C12orf57: variants seen among roughly 807,000 people sequenced by gnomAD.
C12orf57 encodes protein C10.
Under a neutral mutation model 11.3 loss-of-function variants are expected in C12orf57, and 14 were observed. The ratio of observed to expected loss-of-function variants is 1.24; its 90% confidence interval spans 0.82 to 1.94. The LOEUF (loss-of-function observed/expected upper bound fraction) is 1.94. Among genes scored for constraint, C12orf57 ranks in the 30% most tolerant of loss-of-function variants. C12orf57 has a pLI of 0.00. For missense variants in C12orf57, 229 were observed against 172.4 expected, an observed-to-expected ratio of 1.33 and a Z score of -1.84; for synonymous variants, 100 against 74.6, an observed-to-expected ratio of 1.34 and a Z score of -1.76.
chr12:6,944,901 T>G (rs1591675697), intron 2 of C12orf57: 1 of 1,381,474 alleles, frequency 7.2e-7, no homozygotes, highest in Non-Finnish European at 9.4e-7. Flanking sequence ...GTGTTTCGGG[T>G]TTTTTCAGAT....
upstream of C12orf57, chr12:6,943,853 T>TG (rs1298070350): frequency 4.4e-6 from 4 of 909,290 alleles, no homozygotes; most frequent in Admixed American, 6.3e-5. Flanking sequence ...CTAGTAGGCT[T>TG]TCTGGCTTTT....
chr12:6,943,837 A>C (rs965213031), upstream of C12orf57: 1 of 872,950 alleles, frequency 1.1e-6, no homozygotes, highest in Non-Finnish European at 1.6e-6. Flanking sequence ...CTCTTTTAGA[A>C]TTTGTCTAGT....
chr12:6,945,581 C>T (rs1945781797), intron 2 of C12orf57, among the ~76,000 whole-genome samples, 190 bp from the exon 3 acceptor site: 1 of 152,170 alleles, frequency 6.6e-6, no homozygotes, highest in Non-Finnish European at 1.5e-5. Context: ...TGCATCCCAT[C>T]TAGTTGTGCC....
At position 6,944,112 on chromosome 12, in the gene C12orf57, C is replaced by A. The variant is rs781787729; in HGVS notation, c.-10C>A. The A allele has an allele frequency of 1.9e-6, 3 of 1,614,124 alleles. No homozygotes were observed. The highest frequency in any genetic ancestry group is 1.1e-5 in the South Asian group (1 of 91,086). On this transcript the variant is annotated 5_prime_UTR_variant, in exon 1 of 3. Transcript: ENST00000229281. ...TTTACCTCCGCTGAACCTAGAGCTT[C>A]AGACGCCCTATGGCGTCCGCCTCGA...
At chr12:6,945,639 G>A (rs1329423282) in intron 2 of C12orf57, 132 bp from the exon 3 acceptor site, 18 of 894,164 alleles carry the variant, frequency 2.0e-5, no homozygotes, top group Non-Finnish European at 2.9e-5. Flanking sequence ...ACAGAGGCCT[G>A]CATGCGTCCT....
At chr12:6,944,900 G>GT (rs1945761699) in intron 2 of C12orf57, 4 of 1,385,730 alleles carry the variant, frequency 2.9e-6, no homozygotes, top group Admixed American at 3.3e-5. Flanking sequence ...AGTGTTTCGG[G>GT]TTTTTTCAGA....
chr12:6,944,091 C>A lies in C12orf57; in HGVS notation c.-31C>A, dbSNP rs374102557. The A allele has an allele frequency of 1.9e-6, 3 of 1,613,138 alleles. No individual in the cohort carries two copies. In the African/African-American group the frequency reaches 4.0e-5, roughly 22 times the overall value. The stretch of plus-strand genomic sequence containing the variant: ...TCTTTATTCGTGAGTTTTCCATTTA[C>A]CTCCGCTGAACCTAGAGCTTCAGAC... On this transcript the variant is annotated 5_prime_UTR_variant, in exon 1 of 3. Coordinates refer to ENST00000229281, the MANE Select transcript of C12orf57 (RefSeq NM_138425.4).
chr12:6,943,451 C>T (rs1945678639), upstream of C12orf57: 2 of 1,178,368 alleles, frequency 1.7e-6, no homozygotes, highest in East Asian at 5.8e-5. Flanking sequence ...GAAATCGGGC[C>T]GGGCATTAGG....
At chr12:6,943,911 T>A, upstream of C12orf57, 1 of 1,216,870 alleles carries the variant, frequency 8.2e-7, no homozygotes, top group Non-Finnish European at 1.1e-6. Context: ...ATAGATTGTT[T>A]TCACTGTGCA....
chr12:6,943,891 G>GT (rs782060575), upstream of C12orf57: 45 of 1,066,870 alleles, frequency 4.2e-5, 1 homozygote, highest in South Asian at 1.5e-4. Context: ...TATGATGTTT[G>GT]TTGCCAATGA....
At chr12:6,943,806 A>G (rs141154581), upstream of C12orf57, 414 of 884,186 alleles carry the variant, frequency 4.7e-4, no homozygotes, top group African/African-American at 6.3e-3. Context: ...CTCTCCAAAC[A>G]CATACGCAGC....
rs782065914 is a variant in C12orf57 at position 6,944,084 on chromosome 12, C to A, written c.-38C>A. 4.3e-6 allele frequency: 7 copies of A among 1,613,578 alleles called. No individual in the cohort carries two copies. Among genetic ancestry groups the A allele is most frequent in the Middle Eastern group, 1.6e-4 (1 of 6,062 alleles). ...ACGTGGCTCTTTATTCGTGAGTTTT[C>A]CATTTACCTCCGCTGAACCTAGAGC... On this transcript the variant is annotated 5_prime_UTR_variant, in exon 1 of 3. Coordinates refer to ENST00000229281, the MANE Select transcript of C12orf57 (RefSeq NM_138425.4).
rs781787729 is a variant in C12orf57, at chr12:6,944,112, C to T, written c.-10C>T. 1.3e-5 allele frequency: 21 copies of T among 1,614,124 alleles called. No homozygotes were observed. The highest frequency in any genetic ancestry group is 1.6e-5 in the Non-Finnish European group (19 of 1,180,048). On this transcript the variant is annotated 5_prime_UTR_variant, in exon 1 of 3. Transcript: ENST00000229281. ...TTTACCTCCGCTGAACCTAGAGCTTCAGACGCCCTATGGCGTCCGCCTCGA... is the reference window on the plus strand; with the variant it reads ...TTTACCTCCGCTGAACCTAGAGCTTTAGACGCCCTATGGCGTCCGCCTCGA...
At chr12:6,945,645 G>C in intron 2 of C12orf57, 126 bp from the exon 3 acceptor site, 2 of 971,920 alleles carry the variant, frequency 2.1e-6, no homozygotes, top group Non-Finnish European at 1.6e-6. Flanking sequence ...GCCTGCATGC[G>C]TCCTGTTTGG....
At chr12:6,944,019 T>C (rs782601770), upstream of C12orf57, 3 of 1,606,218 alleles carry the variant, frequency 1.9e-6, no homozygotes, top group Admixed American at 1.7e-5. Context: ...CCGGATGCTG[T>C]TTCCTTTCCG....
chr12:6,943,725 G>A (rs187259671), upstream of C12orf57: 413 of 1,248,864 alleles, frequency 3.3e-4, 3 homozygotes, highest in Admixed American at 2.4e-4. Flanking sequence ...TGTTTATACA[G>A]TAATAGGAAC....
rs915997 is a variant in C12orf57 at position 6,944,199 on chromosome 12, A to G, written c.52+26A>G. 0.85 allele frequency: 1,373,974 copies of G among 1,607,366 alleles called. 586,234 individuals carry two copies. The highest frequency in any genetic ancestry group is 0.96 in the African/African-American group (72,251 of 75,004). On this transcript the variant is annotated intron_variant, in intron 1 of 2. Coordinates refer to ENST00000229281, the MANE Select transcript of C12orf57 (RefSeq NM_138425.4). ...GTGAGAATCGTCCTAGTCAAGGCAT[A>G]GGCTGCTGGCCTGGGGTAGTCAAGG...
chr12:6,944,023 C>G lies in C12orf57; in HGVS notation c.-99C>G. The stretch of plus-strand genomic sequence containing the variant: ...TTCCGGCTGCGCCGGATGCTGTTTC[C>G]TTTCCGCTCCCAGGGGCGTTGGGAA... On this transcript the variant is annotated 5_prime_UTR_variant, in exon 1 of 3. Transcript: ENST00000229281. The G allele has an allele frequency of 6.2e-7, 1 of 1,607,346 alleles. No homozygotes were observed. The highest frequency in any genetic ancestry group is 8.5e-7 in the Non-Finnish European group (1 of 1,179,346).
chr12:6,944,431 C>G (rs782367847), intron 1 of C12orf57, 45 bp from the exon 2 acceptor site: 1 of 1,592,894 alleles, frequency 6.3e-7, no homozygotes, highest in Non-Finnish European at 8.5e-7. Flanking sequence ...GTCTGTTCTC[C>G]GACGCCTACC....
Sources: allele counts gnomAD v4.1 joint callset (sites outside exome capture counted in the v4.1 genomes callset), GRCh38; gene constraint gnomAD v4.1.1; transcripts MANE v1.5; gene names NCBI Gene and HGNC (gene_info 2026-07-23, HGNC 2026-07-21).